LONP1: variants seen among roughly 807,000 people sequenced by gnomAD.
LONP1 encodes lon peptidase 1, mitochondrial, also known as lon protease homolog, mitochondrial.
In LONP1, 31 loss-of-function variants were observed where a neutral mutation model predicts 98.5. The ratio of observed to expected loss-of-function variants is 0.31; its 90% confidence interval spans 0.24 to 0.42. The LOEUF (loss-of-function observed/expected upper bound fraction) is 0.42, where lower values mean the gene tolerates loss of function less well. Among genes scored for constraint, LONP1 ranks in the 20% least tolerant of loss-of-function variants. The pLI is 1.00. For synonymous variants in LONP1, 781 were observed against 594.7 expected, an observed-to-expected ratio of 1.31 and a Z score of -4.56; for missense variants, 1,336 against 1,350.6, an observed-to-expected ratio of 0.99 and a Z score of 0.17.
intron 10 of LONP1, among the ~76,000 whole-genome samples, chr19:5,697,569 G>A (rs2054960666): frequency 7.4e-6 from 1 of 134,498 alleles, no homozygotes; most frequent in Non-Finnish European, 1.6e-5. Flanking sequence ...AGGGGGTAGA[G>A]GGAGGGGGAG....
chr19:5,701,564 C>T (rs377742776), intron 8 of LONP1, among the ~76,000 whole-genome samples: 16 of 152,174 alleles, frequency 1.1e-4, no homozygotes, highest in East Asian at 1.9e-4. Flanking sequence ...AGGTCCTAAC[C>T]GCGAGTGGTC....
chr19:5,694,224 C>T (rs928879370), intron 15 of LONP1, among the ~76,000 whole-genome samples, 163 bp downstream of exon 15: 2 of 152,126 alleles, frequency 1.3e-5, no homozygotes, highest in Non-Finnish European at 2.9e-5. Context: ...CACAGCCTTC[C>T]CCTCCCTCAG....
At chr19:5,716,512 T>C (rs1031144937) in intron 1 of LONP1, among the ~76,000 whole-genome samples, 13 of 150,628 alleles carry the variant, frequency 8.6e-5, no homozygotes, top group Non-Finnish European at 1.5e-4. Flanking sequence ...TAACACAGGC[T>C]CTTAACTTGT....
At position 5,693,561 on chromosome 19, in the gene LONP1, A is replaced by G. The variant is rs757493712; in HGVS notation, c.2529T>C (p.His843=). The G allele has an allele frequency of 9.9e-6, 16 of 1,613,934 alleles. No individual in the cohort carries two copies. Among genetic ancestry groups the G allele is most frequent in the South Asian group, 2.2e-5 (2 of 91,094 alleles). The change falls in exon 16 of 18, where the codon CAT becomes CAC. Residue 843 remains histidine (H), a synonymous_variant. Coordinates refer to ENST00000360614, the MANE Select transcript of LONP1 (RefSeq NM_004793.4). ...DYLVTSHIHL[H]VPEGATPKDG... ...CGGATGGCGCGGTCACCTCGGGCAC[A>G]TGCAGGTGGATGTGTGAGGTCACCA...
chr19:5,718,687 T>C (rs2055365892), intron 1 of LONP1, among the ~76,000 whole-genome samples: 1 of 151,560 alleles, frequency 6.6e-6, no homozygotes, highest in Non-Finnish European at 1.5e-5. Context: ...GATGCCACTT[T>C]CCACATCAGT....
rs748226753 is a variant in LONP1 at position 5,693,778 on chromosome 19, GGT to G, written c.2321-11_2321-10del. The G allele has an allele frequency of 3.1e-6, 5 of 1,611,656 alleles. No individual in the cohort carries two copies. The highest frequency in any genetic ancestry group is 3.4e-6 in the Non-Finnish European group (4 of 1,179,194). On this transcript the variant is annotated splice_polypyrimidine_tract_variant and intron_variant, in intron 15 of 17. Coordinates refer to ENST00000360614, the MANE Select transcript of LONP1 (RefSeq NM_004793.4). ...AAACAGCGTGGAGCCTCCTGAAACAGGTGTGGAGCTGTGAACACGGGAGGCCT... is the reference window on the plus strand; with the variant it reads ...AAACAGCGTGGAGCCTCCTGAAACAGGTGGAGCTGTGAACACGGGAGGCCT...
In LONP1 at chr19:5,705,843, C is replaced by T. The variant is rs1429948238; in HGVS notation, c.1296G>A (p.Lys432=). The T allele has an allele frequency of 1.2e-6, 2 of 1,614,202 alleles. No individual in the cohort carries two copies. The highest frequency in any genetic ancestry group is 1.7e-5 in the Admixed American group (1 of 60,030). ...RERLKELVVP[K]HVMDVVDEEL... ...CCTCGTCCACAACATCCATGACGTG[C>T]TTGGGGACCACGAGCTCCTTCAGGC... The change falls in exon 8 of 18, where the codon AAG becomes AAA. Residue 432 remains lysine, a synonymous_variant. Transcript: ENST00000360614.
At chr19:5,708,974 C>A (rs987137524) in intron 4 of LONP1, 4 of 142,356 alleles carry the variant, frequency 2.8e-5, no homozygotes, top group Non-Finnish European at 4.5e-5. Flanking sequence ...GATCGCGCCA[C>A]TGCACTCCAA....
chr19:5,694,546 G>A lies in LONP1; in HGVS notation c.2161C>T (p.Arg721Trp), dbSNP rs147588238. 4.3e-6 allele frequency: 7 copies of A among 1,612,092 alleles called. No homozygotes were observed. The highest frequency in any genetic ancestry group is 2.2e-5 in the East Asian group (1 of 44,880). ...CTGACAATCTTGTAGGCCGATTTCC[G>A]TAACACCTGGGCGGTCAGGGCAACA... ...NLQKQVEKVL[R>W]KSAYKIVSGE... The change falls in exon 15 of 18, where the codon CGG becomes TGG. Residue 721 changes from arginine to tryptophan, a missense_variant. Arg to Trp is a moderately radical substitution (Grantham distance 101). Around this residue, in one of 5 missense-constraint regions of LONP1, gnomAD observed 555 missense variants for 542.6 expected, o/e 1.02. Transcript: ENST00000360614.
At chr19:5,718,431 T>C (rs2055358361) in intron 1 of LONP1, among the ~76,000 whole-genome samples, 1 of 147,600 alleles carries the variant, frequency 6.8e-6, no homozygotes, top group Non-Finnish European at 1.5e-5. Context: ...TGAGCTGAAA[T>C]CGCGCCACTG....
At chr19:5,717,364 T>C (rs1251421483) in intron 1 of LONP1, 1 of 152,198 alleles carries the variant, frequency 6.6e-6, no homozygotes, top group African/African-American at 2.4e-5. Flanking sequence ...GGCATCTGCC[T>C]CCTGGCCTTG....
intron 8 of LONP1, among the ~76,000 whole-genome samples, chr19:5,702,334 G>A (rs1227873336): frequency 2.8e-5 from 4 of 144,294 alleles, no homozygotes; most frequent in African/African-American, 5.2e-5. Context: ...CCAGCCAGCC[G>A]CCCCGTCCGG....
At chr19:5,694,939 C>A (rs778418300) in intron 13 of LONP1, 38 bp from the exon 14 acceptor site, 9 of 1,577,520 alleles carry the variant, frequency 5.7e-6, no homozygotes, top group Non-Finnish European at 7.8e-6. Flanking sequence ...CTGGAGGGAC[C>A]TTGCCCACCA....
rs1051617180 is a variant in LONP1, at chr19:5,706,065, G to A, written c.1147-73C>T. 1.7e-5 allele frequency: 16 copies of A among 960,354 alleles called. No individual in the cohort carries two copies. In the Admixed American group the frequency reaches 1.8e-4, roughly 11 times the overall value. 59.5% of individuals were successfully genotyped at this position (960,354 alleles called of 1,614,324 possible). ...TGGGTGGGTGCGTCCCCAGACGAAG[G>A]GGGACCCTCTGCTCCCCCAGGACTC... is the stretch of plus-strand genomic sequence containing the variant. On this transcript the variant is annotated intron_variant, in intron 7 of 17. Transcript: ENST00000360614.
intron 8 of LONP1, among the ~76,000 whole-genome samples, chr19:5,701,357 T>C (rs2055039147): frequency 6.6e-6 from 1 of 152,066 alleles, no homozygotes; most frequent in African/African-American, 2.4e-5. Context: ...CTTTCCCTCT[T>C]TCCATGGTCT....
rs756969382 is a variant in LONP1, at chr19:5,696,690, G to A, written c.1753C>T (p.Pro585Ser). 60 of 1,613,540 alleles carry A rather than the reference G, an allele frequency of 3.7e-5. No homozygotes were observed. Among genetic ancestry groups the A allele is most frequent in the Non-Finnish European group, 4.4e-5 (52 of 1,179,946 alleles). Residue 585 changes from proline to serine, a missense_variant, in exon 11 of 18, where the codon CCC becomes TCC. Around this residue, in one of 5 missense-constraint regions of LONP1, gnomAD observed 555 missense variants for 542.6 expected, o/e 1.02. Transcript: ENST00000360614. ...QCLKKTKTEN[P>S]LILIDEVDKI... Reference sequence around the variant, plus strand: ...CGCACCTCGTCGATGAGGATCAGGGGGTTCTCCGTCTTGGTCTTCTTCAAA... The same window carrying A: ...CGCACCTCGTCGATGAGGATCAGGGAGTTCTCCGTCTTGGTCTTCTTCAAA...
chr19:5,699,218 G>A lies in LONP1; in HGVS notation c.1507-13C>T. 3 of 1,487,698 alleles carry A rather than the reference G, an allele frequency of 2.0e-6. No individual in the cohort carries two copies. Among genetic ancestry groups the A allele is most frequent in the Non-Finnish European group, 1.8e-6 (2 of 1,113,630 alleles). The allele number at this position is 1,487,698 out of a possible 1,614,324, so 92.2% of individuals were successfully genotyped here. On this transcript the variant is annotated splice_polypyrimidine_tract_variant and intron_variant, in intron 9 of 17. Transcript: ENST00000360614. ...CGGCAATGAACTCCTGCAGACAGAG[G>A]CAGGTTCAGTGGGCACGTGAGCTGG...
At chr19:5,697,768 C>CCT (rs1357534627) in intron 10 of LONP1, among the ~76,000 whole-genome samples, 1 of 124,682 alleles carries the variant, frequency 8.0e-6, no homozygotes, top group African/African-American at 2.9e-5. Flanking sequence ...GTCCTTGTCT[C>CCT]AGGAACCCAG....
intron 8 of LONP1, among the ~76,000 whole-genome samples, chr19:5,704,057 T>TC (rs774837909): frequency 6.6e-6 from 1 of 151,918 alleles, no homozygotes; most frequent in East Asian, 1.9e-4. Flanking sequence ...TGAGTGAAGG[T>TC]CCCCGAGACA....
Sources: allele counts gnomAD v4.1 joint callset (sites outside exome capture counted in the v4.1 genomes callset), GRCh38; gene constraint gnomAD v4.1.1; regional missense constraint gnomAD v4.1.1; transcripts MANE v1.5; gene names NCBI Gene and HGNC (gene_info 2026-07-23, HGNC 2026-07-21).